Variants in CD2AP observed in about 807,000 individuals in gnomAD.
The protein encoded by CD2AP is CD2 associated protein, also known as CD2-associated protein.
Under a neutral mutation model 85.1 loss-of-function variants are expected in CD2AP, and 46 were observed. That is an observed-to-expected ratio of 0.54 (90% CI 0.43 to 0.69). The LOEUF (loss-of-function observed/expected upper bound fraction) is 0.69. Among genes scored for constraint, CD2AP ranks in the 30% least tolerant of loss-of-function variants. The probability of loss-of-function intolerance (pLI) is 0.00; values close to 1 mark genes in which losing one functional copy is unlikely to be tolerated. For synonymous variants in CD2AP, 255 were observed against 252.9 expected, an observed-to-expected ratio of 1.01 and a Z score of -0.08; for missense variants, 769 against 729.5, an observed-to-expected ratio of 1.05 and a Z score of -0.62.
At chr6:47,578,518 C>T (rs979511365) in intron 8 of CD2AP, among the ~76,000 whole-genome samples, 16 of 152,006 alleles carry the variant, frequency 1.1e-4, no homozygotes, top group Admixed American at 2.6e-4. Flanking sequence ...CTGGTCAAAT[C>T]GTGTTAATTT....
chr6:47,622,927 T>G lies in CD2AP; in HGVS notation c.1879-1259T>G, dbSNP rs139028714. Reference sequence around the variant, plus strand: ...GCAGTTTACAAGAAGTATTGCTGATTATGCATGCAGTAGTAGCCTTCACAC... The same window carrying G: ...GCAGTTTACAAGAAGTATTGCTGATGATGCATGCAGTAGTAGCCTTCACAC... On this transcript the variant is annotated intron_variant, in intron 17 of 17. Coordinates refer to ENST00000359314, the MANE Select transcript of CD2AP (RefSeq NM_012120.3). Among the ~76,000 whole-genome samples the G allele has an allele frequency of 2.9e-3, 441 of 152,356 alleles. 3 individuals carry two copies. The highest frequency in any genetic ancestry group is 0.01 in the African/African-American group (427 of 41,576).
At chr6:47,537,342 A>C (rs1767079086) in intron 3 of CD2AP, among the ~76,000 whole-genome samples, 1 of 152,160 alleles carries the variant, frequency 6.6e-6, no homozygotes, top group Non-Finnish European at 1.5e-5. Flanking sequence ...TGGCTCTTTG[A>C]CATTGAAGTA....
chr6:47,498,555 G>A (rs945704982), intron 1 of CD2AP, among the ~76,000 whole-genome samples: 1 of 151,994 alleles, frequency 6.6e-6, no homozygotes, highest in African/African-American at 2.4e-5. Flanking sequence ...ATGTTGGATT[G>A]ATTGGGCCTT....
chr6:47,594,986 A>T (rs1768899095), intron 11 of CD2AP, among the ~76,000 whole-genome samples: 1 of 152,002 alleles, frequency 6.6e-6, no homozygotes, highest in African/African-American at 2.4e-5. Context: ...AAATTTTGAA[A>T]ATTATTCAGT....
chr6:47,522,263 A>G (rs1582510372), intron 2 of CD2AP, among the ~76,000 whole-genome samples: 2 of 152,166 alleles, frequency 1.3e-5, no homozygotes, highest in South Asian at 4.1e-4. Flanking sequence ...AATGATATCA[A>G]AAGAGAAGGT....
intron 13 of CD2AP, 42 bp from the exon 14 acceptor site, chr6:47,606,123 G>A (rs370876825): frequency 2.9e-6 from 3 of 1,031,634 alleles, no homozygotes; most frequent in African/African-American, 1.6e-5. Context: ...CTTTAAAAAG[G>A]TACAGTTCTC....
At chr6:47,479,873 A>G (rs761197922) in intron 1 of CD2AP, among the ~76,000 whole-genome samples, 17 of 150,960 alleles carry the variant, frequency 1.1e-4, no homozygotes, top group Non-Finnish European at 2.4e-4. Flanking sequence ...AGTGTCCCCC[A>G]TCATCTTTCC....
chr6:47,606,508 C>T (rs1008616282), intron 14 of CD2AP, among the ~76,000 whole-genome samples: 2 of 151,860 alleles, frequency 1.3e-5, no homozygotes, highest in Non-Finnish European at 2.9e-5. Context: ...AGGCTATAGC[C>T]ACAGAGCACA....
chr6:47,579,705 A>C (rs1768420126), intron 9 of CD2AP: 1 of 506,332 alleles, frequency 2.0e-6, no homozygotes, highest in Non-Finnish European at 3.5e-6. Context: ...CTGTACTGAA[A>C]AATAACCTTA....
chr6:47,517,083 C>A (rs932829646), intron 2 of CD2AP, among the ~76,000 whole-genome samples: 2 of 151,978 alleles, frequency 1.3e-5, no homozygotes, highest in South Asian at 2.1e-4. Flanking sequence ...TAAATGAATT[C>A]TCACCCAGTT....
intron 2 of CD2AP, among the ~76,000 whole-genome samples, chr6:47,516,967 T>C (rs1014794326): frequency 6.6e-6 from 1 of 152,212 alleles, no homozygotes; most frequent in Non-Finnish European, 1.5e-5. Flanking sequence ...CCTCCAAATC[T>C]CATGTTGAAA....
intron 1 of CD2AP, 92 bp from the exon 2 acceptor site, chr6:47,503,188 T>C: frequency 8.2e-7 from 1 of 1,219,514 alleles, no homozygotes. Flanking sequence ...ATATTGTTGC[T>C]AAACAGATTC....
At chr6:47,582,712 T>C (rs1159406657) in intron 11 of CD2AP, among the ~76,000 whole-genome samples, 1 of 152,156 alleles carries the variant, frequency 6.6e-6, no homozygotes, top group African/African-American at 2.4e-5. Context: ...TCCTCTTACT[T>C]GATTTCTCTC....
intron 5 of CD2AP, among the ~76,000 whole-genome samples, chr6:47,573,211 C>G (rs1250419184): frequency 1.3e-5 from 2 of 152,078 alleles, no homozygotes; most frequent in African/African-American, 2.4e-5. Flanking sequence ...TAATGTTAAA[C>G]TTAAAAATTT....
chr6:47,495,717 T>C (rs1368654674), intron 1 of CD2AP, among the ~76,000 whole-genome samples: 1 of 152,226 alleles, frequency 6.6e-6, no homozygotes, highest in East Asian at 1.9e-4. Flanking sequence ...TTAGCCTTTT[T>C]CTTGTAAGGG....
intron 14 of CD2AP, among the ~76,000 whole-genome samples, chr6:47,607,042 T>C (rs1332122941): frequency 1.3e-5 from 2 of 151,960 alleles, no homozygotes; most frequent in Non-Finnish European, 2.9e-5. Context: ...TTAATTTTTA[T>C]AGTGAGAATA....
chr6:47,607,964 A>G lies in CD2AP; in HGVS notation c.1568A>G (p.Lys523Arg). 6.2e-7 allele frequency: 1 copy of G among 1,611,820 alleles called. No homozygotes were observed. Among genetic ancestry groups the G allele is most frequent in the Non-Finnish European group, 8.5e-7 (1 of 1,178,180 alleles). The change falls in exon 15 of 18, where the codon AAA becomes AGA. Residue 523 changes from lysine to arginine, a missense_variant. Coordinates refer to ENST00000359314, the MANE Select transcript of CD2AP (RefSeq NM_012120.3). ...CCCGAAAAAATCTTGAAGTTACCAA[A>G]AGAAGAAGACAGTGCCAACCTGAAG... Reference protein sequence around the residue: ...HSPEKILKLPKEEDSANLKPS... With the variant: ...HSPEKILKLPREEDSANLKPS...
intron 5 of CD2AP, among the ~76,000 whole-genome samples, chr6:47,563,714 A>C (rs1767920564): frequency 6.6e-6 from 1 of 152,170 alleles, no homozygotes; most frequent in East Asian, 1.9e-4. Context: ...GCTCTCTGTA[A>C]GTGCTACATA....
At chr6:47,482,306 G>T (rs1033879353) in intron 1 of CD2AP, among the ~76,000 whole-genome samples, 25 of 151,782 alleles carry the variant, frequency 1.6e-4, no homozygotes, top group African/African-American at 6.0e-4. Context: ...TCACATTAAG[G>T]CTGAAAATTC....
Sources: gnomAD v4.1 joint callset for allele counts (sites outside exome capture counted in the v4.1 genomes callset) on GRCh38, gnomAD v4.1.1 for gene constraint, MANE v1.5 for transcripts, NCBI Gene and HGNC (gene_info 2026-07-23, HGNC 2026-07-21) for gene names.